Variants in GTF3A observed in about 807,000 individuals in gnomAD.
The protein encoded by GTF3A is general transcription factor IIIA.
In GTF3A, 40 loss-of-function variants were observed where a neutral mutation model predicts 37.6. The ratio of observed to expected loss-of-function variants is 1.06; its 90% CI spans 0.83 to 1.38. GTF3A has a LOEUF of 1.38. Ranked by LOEUF, GTF3A falls within the 40% of genes most tolerant of loss-of-function variation. The pLI is 0.00. For missense variants in GTF3A, 500 were observed against 462.6 expected, an observed-to-expected ratio of 1.08 and a Z score of -0.74; for synonymous variants, 191 against 166.7, an observed-to-expected ratio of 1.15 and a Z score of -1.12.
At chr13:27,433,146 T>C (rs1408174200) in intron 5 of GTF3A, among the ~76,000 whole-genome samples, 2 of 151,100 alleles carry the variant, frequency 1.3e-5, no homozygotes, top group African/African-American at 2.4e-5. Context: ...TTTTCCTTGT[T>C]GGCCATTCAC....
intron 1 of GTF3A, chr13:27,425,850 A>C (rs965280576): frequency 6.6e-6 from 1 of 152,286 alleles, no homozygotes; most frequent in Non-Finnish European, 1.5e-5. Context: ...ACCTCCTCTA[A>C]TTTATGGGCC....
chr13:27,433,217 A>AC (rs1953673298), intron 5 of GTF3A, among the ~76,000 whole-genome samples: 1 of 151,924 alleles, frequency 6.6e-6, no homozygotes. Flanking sequence ...CTCAAAAAAA[A>AC]AAAAAAAAGA....
Position 27,435,736 on chromosome 13 carries a change from T to C in GTF3A, c.*139T>C. 1 of 1,614,082 alleles carries C rather than the reference T, an allele frequency of 6.2e-7. No homozygotes were observed. Among genetic ancestry groups the C allele is most frequent in the Non-Finnish European group, 8.5e-7 (1 of 1,179,958 alleles). ...ATGGTCTTTGTTCAAAGTGTCTCTTTCCTGGGTCTCTTGAGTTTCTTTATA... is the reference window on the plus strand; with the variant it reads ...ATGGTCTTTGTTCAAAGTGTCTCTTCCCTGGGTCTCTTGAGTTTCTTTATA... On this transcript the variant is annotated 3_prime_UTR_variant, in exon 9 of 9. Coordinates refer to ENST00000381140, the MANE Select transcript of GTF3A (RefSeq NM_002097.3).
In GTF3A at chr13:27,424,651, G is replaced by C; in HGVS notation, c.-87G>C. 1.0e-6 allele frequency: 1 copy of C among 994,448 alleles called. No homozygotes were observed. Among genetic ancestry groups the C allele is most frequent in the Non-Finnish European group, 1.3e-6 (1 of 741,314 alleles). 61.6% of individuals were successfully genotyped at this position (994,448 alleles called of 1,614,324 possible). On this transcript the variant is annotated 5_prime_UTR_variant, in exon 1 of 9. Coordinates refer to ENST00000381140, the MANE Select transcript of GTF3A (RefSeq NM_002097.3). Reference sequence around the variant, plus strand: ...CCGGCGTCGCGCGAAGGTTCAGCAGGGAGCCGTGGGCCGGGCGCGCCGGTT... The same window carrying C: ...CCGGCGTCGCGCGAAGGTTCAGCAGCGAGCCGTGGGCCGGGCGCGCCGGTT...
chr13:27,432,839 G>T (rs954914551), intron 5 of GTF3A, 35 bp downstream of exon 5: 7 of 1,542,736 alleles, frequency 4.5e-6, no homozygotes, highest in Non-Finnish European at 6.2e-6. Flanking sequence ...CTCCGAGGGG[G>T]ATGCCAAATC....
rs772802755 is a variant in GTF3A, at chr13:27,424,742, A to C, written c.5A>C (p.Asp2Ala). The change falls in exon 1 of 9, where the codon GAT becomes GCT. Residue 2 changes from aspartate to alanine, a missense_variant. Physicochemically the swap from Asp to Ala is moderately radical, Grantham distance 126. Transcript: ENST00000381140. ...GGGCTTGGAGGCGCCGGCGCCCTGGATCCGCCGGCCGTGGTCGCCGAGTCG... is the reference window on the plus strand; with the variant it reads ...GGGCTTGGAGGCGCCGGCGCCCTGGCTCCGCCGGCCGTGGTCGCCGAGTCG... 1 of 1,463,576 alleles carries C rather than the reference A, an allele frequency of 6.8e-7. No individual in the cohort carries two copies. The highest frequency in any genetic ancestry group is 1.4e-5 in the South Asian group (1 of 73,456). 90.7% of individuals were successfully genotyped at this position (1,463,576 alleles called of 1,614,324 possible). A position where few individuals can be genotyped will look rare whatever the true frequency, so the allele number is the denominator to read the frequency against.
Position 27,434,188 on chromosome 13 carries a change from A to G in GTF3A, c.612A>G (p.Glu204=). Residue 204 remains glutamate (E), a synonymous_variant, in exon 6 of 9, where the codon GAA becomes GAG. Transcript: ENST00000381140. ...CCTTTGTGGCAAAAACATGGACGGA[A>G]CTTCTGAAACATGTGAGAGAAACCC... The G allele has an allele frequency of 7.2e-7, 1 of 1,396,080 alleles. No homozygotes were observed. Among genetic ancestry groups the G allele is most frequent in the Non-Finnish European group, 1.0e-6 (1 of 980,976 alleles). 86.5% of individuals were successfully genotyped at this position (1,396,080 alleles called of 1,614,324 possible). A position where few individuals can be genotyped will look rare whatever the true frequency, so the allele number is the denominator to read the frequency against.
chr13:27,425,108 G>C, intron 1 of GTF3A, 170 bp downstream of exon 1: 1 of 535,658 alleles, frequency 1.9e-6, no homozygotes, highest in East Asian at 3.4e-5. Flanking sequence ...TAGGACCTTC[G>C]TTCTGCGACC....
intron 8 of GTF3A, 40 bp from the exon 9 acceptor site, chr13:27,435,393 G>C (rs773702530): frequency 1.3e-6 from 2 of 1,585,934 alleles, no homozygotes; most frequent in Non-Finnish European, 1.7e-6. Context: ...AGACAGTTTT[G>C]ATTTTGAATT....
intron 5 of GTF3A, among the ~76,000 whole-genome samples, chr13:27,433,295 A>C (rs771088814): frequency 6.7e-6 from 1 of 148,262 alleles, no homozygotes; most frequent in Non-Finnish European, 1.5e-5. Context: ...TCTGTATTTC[A>C]ATTTCCCAGG....
At chr13:27,424,964 T>G in intron 1 of GTF3A, 26 bp downstream of exon 1, 1 of 1,514,888 alleles carries the variant, frequency 6.6e-7, no homozygotes, top group East Asian at 2.6e-5. Context: ...CTGCCAACCC[T>G]GGGCCTAGGG....
Position 27,435,133 on chromosome 13 carries a change from C to T in GTF3A, c.874C>T (p.Gln292Ter). 1 of 1,608,726 alleles carries T rather than the reference C, an allele frequency of 6.2e-7. No homozygotes were observed. ...TTAATAACTTTCTCTTTCATTGTAG[C>T]AAAGTCTCACTAGGCATGCTGTTGT... Residue 292 changes from glutamine to a stop codon, truncating the protein, a stop_gained and splice_region_variant, in exon 8 of 9, where the codon CAA (glutamine) becomes TAA (stop). Transcript: ENST00000381140. LOFTEE classifies it high-confidence loss of function.
At chr13:27,429,275 C>T (rs912830831) in intron 2 of GTF3A, 1 of 109,910 alleles carries the variant, frequency 9.1e-6, no homozygotes, top group Admixed American at 1.2e-4. Flanking sequence ...AGGCTCATCA[C>T]AAGAGGCACA....
chr13:27,428,626 CTT>C (rs1953628706), intron 2 of GTF3A, among the ~76,000 whole-genome samples: 1 of 152,194 alleles, frequency 6.6e-6, no homozygotes, highest in African/African-American at 2.4e-5. Context: ...CCACTTGGGT[CTT>C]GTCAGGACTC....
chr13:27,434,404 C>T (rs1953689288), intron 6 of GTF3A, among the ~76,000 whole-genome samples, 185 bp downstream of exon 6: 1 of 152,170 alleles, frequency 6.6e-6, no homozygotes, highest in African/African-American at 2.4e-5. Flanking sequence ...CTGAGCCACC[C>T]CACCATGCAC....
At chr13:27,435,075 C>A (rs745489113) in intron 7 of GTF3A, 41 bp downstream of exon 7, 18 of 1,552,776 alleles carry the variant, frequency 1.2e-5, no homozygotes, top group Admixed American at 5.1e-5. Context: ...ATAGTCTATG[C>A]TTTCACAACA....
chr13:27,433,669 G>C (rs1336484963), intron 5 of GTF3A, among the ~76,000 whole-genome samples: 1 of 152,032 alleles, frequency 6.6e-6, no homozygotes, highest in East Asian at 1.9e-4. Flanking sequence ...AAAGTTGGTG[G>C]TGTGCCATGG....
intron 3 of GTF3A, among the ~76,000 whole-genome samples, 183 bp downstream of exon 3, chr13:27,430,149 A>G (rs1334891999): frequency 6.6e-6 from 1 of 151,988 alleles, no homozygotes; most frequent in African/African-American, 2.4e-5. Flanking sequence ...AAAAACAGAA[A>G]ACAAAACAAA....
chr13:27,430,074 T>C, intron 3 of GTF3A, 108 bp downstream of exon 3: 1 of 511,862 alleles, frequency 2.0e-6, no homozygotes, highest in Non-Finnish European at 3.4e-6. Context: ...AATCGTAGCT[T>C]GAGGCCAGGA....
Sources: gnomAD v4.1 joint callset for allele counts (sites outside exome capture counted in the v4.1 genomes callset) on GRCh38, gnomAD v4.1.1 for gene constraint, MANE v1.5 for transcripts, NCBI Gene and HGNC (gene_info 2026-07-23, HGNC 2026-07-21) for gene names.